The following DOCK3 variants were observed in gnomAD, a reference collection of about 807,000 sequenced individuals.
DOCK3 encodes dedicator of cytokinesis protein 3.
In DOCK3, 60 loss-of-function variants were observed where a neutral mutation model predicts 265.6. That is an observed-to-expected ratio of 0.23 (90% CI 0.18 to 0.28). The LOEUF is 0.28. DOCK3 is among the 10% of genes least tolerant of loss of function. DOCK3 has a pLI of 1.00. For synonymous variants in DOCK3, 881 were observed against 938.0 expected, an observed-to-expected ratio of 0.94 and a Z score of 1.11; for missense variants, 1,981 against 2,594.3, an observed-to-expected ratio of 0.76 and a Z score of 5.14.
chr3:50,973,692 T>C (rs1355533488), intron 5 of DOCK3, among the ~76,000 whole-genome samples: 2 of 102,138 alleles, frequency 2.0e-5, no homozygotes, highest in African/African-American at 4.0e-5. Context: ...TTTCTAGTTC[T>C]AGATCCCTGA....
intron 2 of DOCK3, chr3:50,787,119 TA>T: frequency 1.4e-6 from 1 of 699,722 alleles, no homozygotes; most frequent in Non-Finnish European, 2.7e-6. Flanking sequence ...GGCAACAAAC[TA>T]AATGTTTTTT....
chr3:50,937,840 G>A (rs1316261636), intron 5 of DOCK3, among the ~76,000 whole-genome samples: 1 of 151,918 alleles, frequency 6.6e-6, no homozygotes, highest in East Asian at 1.9e-4. Flanking sequence ...GGGAAATAGA[G>A]GCAGGTAAAA....
chr3:51,350,166 T>A (rs532671977), intron 39 of DOCK3, 122 bp from the exon 40 acceptor site: 2 of 819,512 alleles, frequency 2.4e-6, no homozygotes, highest in African/African-American at 3.5e-5. Flanking sequence ...GCTCACTTAC[T>A]TCTTATCTAG....
intron 9 of DOCK3, among the ~76,000 whole-genome samples, chr3:51,113,615 A>C (rs1357610887): frequency 6.6e-6 from 1 of 152,180 alleles, no homozygotes; most frequent in African/African-American, 2.4e-5. Context: ...GAGACACTGC[A>C]AGACCCCAGA....
chr3:50,863,505 A>G lies in DOCK3; in HGVS notation c.162+21790A>G, dbSNP rs1322058450. The G allele has an allele frequency of 9.9e-6, 5 of 502,694 alleles. No individual in the cohort carries two copies. In the East Asian group the frequency reaches 2.2e-4, roughly 23 times the overall value. The allele number at this position is 502,694 out of a possible 1,614,324, so 31.1% of individuals were successfully genotyped here. On this transcript the variant is annotated intron_variant, in intron 3 of 52. Coordinates refer to ENST00000266037, the MANE Select transcript of DOCK3 (RefSeq NM_004947.5). ...AGAAGTACTCCCACCTACCCTTTCC[A>G]TGAGACTCCAGTTTTCCAGGGGTCG... is the stretch of plus-strand genomic sequence containing the variant.
At chr3:50,778,159 T>C (rs562743661) in intron 1 of DOCK3, among the ~76,000 whole-genome samples, 1 of 152,292 alleles carries the variant, frequency 6.6e-6, no homozygotes, top group South Asian at 2.1e-4. Flanking sequence ...AGTTACGGGA[T>C]TTTGATTGTT....
chr3:50,841,597 T>C, intron 2 of DOCK3, 78 bp from the exon 3 acceptor site: 1 of 612,772 alleles, frequency 1.6e-6, no homozygotes, highest in South Asian at 3.9e-5. Context: ...CATTTATCTA[T>C]TTTTTTCAAA....
At chr3:51,286,474 A>G (rs568087731) in intron 27 of DOCK3, among the ~76,000 whole-genome samples, 1 of 152,346 alleles carries the variant, frequency 6.6e-6, no homozygotes, top group East Asian at 1.9e-4. Context: ...ACTTTTTTAA[A>G]TTGATATGGA....
intron 5 of DOCK3, among the ~76,000 whole-genome samples, chr3:50,950,052 G>A (rs1485243973): frequency 6.7e-6 from 1 of 149,170 alleles, no homozygotes; most frequent in Non-Finnish European, 1.5e-5. Flanking sequence ...TGTTTAAATA[G>A]CAACAAGTTC....
At chr3:50,735,226 C>T (rs980652547) in intron 1 of DOCK3, among the ~76,000 whole-genome samples, 3 of 152,126 alleles carry the variant, frequency 2.0e-5, no homozygotes, top group Admixed American at 2.0e-4. Flanking sequence ...TCTCATGTTG[C>T]TTTCAACGTT....
chr3:51,016,557 C>CATATATT (rs1363421395), intron 5 of DOCK3, among the ~76,000 whole-genome samples: 2 of 6,620 alleles, frequency 3.0e-4, no homozygotes, highest in Non-Finnish European at 3.9e-4. Context: ...TTATATATAT[C>CATATATT]ATATATTATA....
At chr3:51,133,460 A>G (rs2084653308) in intron 9 of DOCK3, among the ~76,000 whole-genome samples, 1 of 151,936 alleles carries the variant, frequency 6.6e-6, no homozygotes, top group Non-Finnish European at 1.5e-5. Flanking sequence ...GATCGTTTCC[A>G]GCTTCATCCA....
At chr3:51,193,055 G>A (rs1435441143) in intron 12 of DOCK3, among the ~76,000 whole-genome samples, 5 of 152,128 alleles carry the variant, frequency 3.3e-5, no homozygotes, top group Non-Finnish European at 5.9e-5. Flanking sequence ...TTATGGGTTT[G>A]TTGTATGTGG....
At chr3:50,853,586 A>C (rs186252484) in intron 3 of DOCK3, among the ~76,000 whole-genome samples, 2 of 151,342 alleles carry the variant, frequency 1.3e-5, no homozygotes, top group Non-Finnish European at 2.9e-5. Context: ...TTTCTGTGTT[A>C]TTTCATTTCA....
chr3:51,185,928 A>G (rs1397678520), intron 12 of DOCK3, among the ~76,000 whole-genome samples: 1 of 152,070 alleles, frequency 6.6e-6, no homozygotes, highest in African/African-American at 2.4e-5. Context: ...TGTTTTGTAT[A>G]TTGCCTAGTT....
chr3:51,041,914 C>G (rs1175536494), intron 5 of DOCK3, among the ~76,000 whole-genome samples: 1 of 152,168 alleles, frequency 6.6e-6, no homozygotes, highest in African/African-American at 2.4e-5. Flanking sequence ...AGAGAGCCAG[C>G]TTGTCCTTTG....
chr3:51,010,389 T>G (rs1028295403), intron 5 of DOCK3, among the ~76,000 whole-genome samples: 1 of 152,346 alleles, frequency 6.6e-6, no homozygotes, highest in East Asian at 1.9e-4. Context: ...TCTTTGTCTC[T>G]TTTGATCTTT....
At chr3:50,805,356 T>C (rs1427978103) in intron 2 of DOCK3, among the ~76,000 whole-genome samples, 1 of 152,106 alleles carries the variant, frequency 6.6e-6, no homozygotes, top group African/African-American at 2.4e-5. Flanking sequence ...GCTGTTTCTC[T>C]GGGTGGGGAC....
chr3:51,204,812 T>C (rs1020962603), intron 12 of DOCK3, among the ~76,000 whole-genome samples: 1 of 151,920 alleles, frequency 6.6e-6, no homozygotes, highest in Non-Finnish European at 1.5e-5. Context: ...GTGGCACATA[T>C]ACACCATGGA....
Sources: allele counts gnomAD v4.1 joint callset (sites outside exome capture counted in the v4.1 genomes callset), GRCh38; gene constraint gnomAD v4.1.1; transcripts MANE v1.5; gene names NCBI Gene and HGNC (gene_info 2026-07-23, HGNC 2026-07-21).